The following SLC43A2 variants were observed in gnomAD, a reference collection of about 807,000 sequenced individuals.
SLC43A2 encodes the protein large neutral amino acids transporter small subunit 4.
In SLC43A2, 38 loss-of-function variants were observed where a neutral mutation model predicts 63.2. The observed-to-expected ratio is 0.60, with a 90% CI of 0.46 to 0.79. SLC43A2 has a LOEUF of 0.79. Among genes scored for constraint, SLC43A2 ranks in the 30% least tolerant of loss-of-function variants. The pLI is 0.00. For synonymous variants in SLC43A2, 322 were observed against 331.0 expected, an observed-to-expected ratio of 0.97 and a Z score of 0.30; for missense variants, 644 against 756.2, an observed-to-expected ratio of 0.85 and a Z score of 1.74.
rs1460139222 is a variant in SLC43A2 at position 1,577,727 on chromosome 17, GA to G, written c.1424+522del. Reference sequence around the variant, plus strand: ...CCTTTTATGTTTCTGGGGCTTCTTGGAAAAAGATACAGGTTTCATTTTAGCC... The same window carrying G: ...CCTTTTATGTTTCTGGGGCTTCTTGGAAAAGATACAGGTTTCATTTTAGCC... On this transcript the variant is annotated intron_variant, in intron 12 of 13. Transcript: ENST00000301335. This position sits in a 1 kb window ranked among gnomAD's most constrained non-coding sequence, Gnocchi z 4.9. 1.3e-5 allele frequency among the ~76,000 whole-genome samples: 2 copies of G among 152,170 alleles called. No homozygotes were observed. Among genetic ancestry groups the G allele is most frequent in the African/African-American group, 4.8e-5 (2 of 41,436 alleles).
At chr17:1,628,631 C>T (rs1908914296) in intron 1 of SLC43A2, among the ~76,000 whole-genome samples, 163 bp downstream of exon 1, 1 of 152,128 alleles carries the variant, frequency 6.6e-6, no homozygotes, top group Non-Finnish European at 1.5e-5. Flanking sequence ...GACCCCCGCG[C>T]CTCCATTCCC....
chr17:1,627,976 C>A, intron 1 of SLC43A2, 56 bp from the exon 2 acceptor site: 1 of 1,287,762 alleles, frequency 7.8e-7, no homozygotes, highest in Non-Finnish European at 9.8e-7. Context: ...TGCGGCCGCC[C>A]CCAGCAGCCC....
At chr17:1,585,032 A>G (rs2076080622) in intron 10 of SLC43A2, among the ~76,000 whole-genome samples, 3 of 151,946 alleles carry the variant, frequency 2.0e-5, no homozygotes, top group Non-Finnish European at 4.4e-5. Flanking sequence ...GGTGGGCTGC[A>G]TGATTGAATG....
intron 11 of SLC43A2, among the ~76,000 whole-genome samples, chr17:1,582,959 A>C (rs1027148268): frequency 6.6e-6 from 1 of 152,124 alleles, no homozygotes. Context: ...CGCACCTGTA[A>C]TCCCAGCTAC....
rs2075822610 is a variant in SLC43A2 at position 1,570,002 on chromosome 17, C to T, written c.*5602G>A. Reference sequence around the variant, plus strand: ...TCCCGGGTTCATGCCATTCTCCTGCCTCAGCCTCCCAAGTAGCTGGGACTA... The same window carrying T: ...TCCCGGGTTCATGCCATTCTCCTGCTTCAGCCTCCCAAGTAGCTGGGACTA... On this transcript the variant is annotated 3_prime_UTR_variant, in exon 14 of 14. Transcript: ENST00000301335. The T allele has an allele frequency of 6.6e-6, 1 of 150,994 alleles. No homozygotes were observed. The highest frequency in any genetic ancestry group is 1.5e-5 in the Non-Finnish European group (1 of 67,860). 9.4% of individuals were successfully genotyped at this position (150,994 alleles called of 1,614,324 possible). A position where few individuals can be genotyped will look rare whatever the true frequency, so the allele number is the denominator to read the frequency against.
Position 1,593,466 on chromosome 17 carries a change from T to A in SLC43A2, c.502-187A>T, listed in dbSNP as rs1468798435. 6.6e-6 allele frequency among the ~76,000 whole-genome samples: 1 copy of A among 152,122 alleles called. No homozygotes were observed. The highest frequency in any genetic ancestry group is 1.5e-5 in the Non-Finnish European group (1 of 68,026). ...AGGTTTCTCCTTCATGGACTGAGGC[T>A]GATGGGGCCAAGGAGGGAGGTAATG... On this transcript the variant is annotated intron_variant, in intron 5 of 13. Coordinates refer to ENST00000301335, the MANE Select transcript of SLC43A2 (RefSeq NM_152346.3). The surrounding 1 kb of genome is among the most constrained non-coding windows in gnomAD (Gnocchi z 5.3).
intron 5 of SLC43A2, among the ~76,000 whole-genome samples, chr17:1,597,498 CAA>C (rs71148498): frequency 7.6e-6 from 1 of 131,450 alleles, no homozygotes. Context: ...GAGCAAGACT[CAA>C]AAAAAAAAAA....
chr17:1,594,737 G>C (rs373996679), intron 5 of SLC43A2, among the ~76,000 whole-genome samples: 13 of 151,306 alleles, frequency 8.6e-5, no homozygotes, highest in Non-Finnish European at 1.5e-4. Context: ...ATAGGCGCCC[G>C]CCACCACACC....
At position 1,591,696 on chromosome 17, in the gene SLC43A2, T is replaced by C. The variant is rs1398439414; in HGVS notation, c.598A>G (p.Ile200Val). 7 of 1,106,962 alleles carry C rather than the reference T, an allele frequency of 6.3e-6. No individual in the cohort carries two copies. Among genetic ancestry groups the C allele is most frequent in the Non-Finnish European group, 8.5e-6 (7 of 825,328 alleles). 68.6% of individuals were successfully genotyped at this position (1,106,962 alleles called of 1,614,324 possible). A position where few individuals can be genotyped will look rare whatever the true frequency, so the allele number is the denominator to read the frequency against. Residue 200 changes from isoleucine to valine, a missense_variant, in exon 7 of 14, where the codon ATC becomes GTC. Around this residue, in one of 3 missense-constraint regions of SLC43A2, gnomAD observed 528 missense variants for 623.6 expected, o/e 0.85. Coordinates refer to ENST00000301335, the MANE Select transcript of SLC43A2 (RefSeq NM_152346.3). Reference protein sequence around the residue: ...SAVTFPGIKLIYDAGVSFIVV... With the variant: ...SAVTFPGIKLVYDAGVSFIVV... ...ATGAAGGAGACACCAGCATCATAGATGAGCTGACAGGCACCGCGGGGACGG... is the reference window on the plus strand; with the variant it reads ...ATGAAGGAGACACCAGCATCATAGACGAGCTGACAGGCACCGCGGGGACGG...
chr17:1,617,471 A>G (rs1907784676), intron 2 of SLC43A2, among the ~76,000 whole-genome samples: 1 of 151,572 alleles, frequency 6.6e-6, no homozygotes, highest in Non-Finnish European at 1.5e-5. Context: ...GCTCACTGCA[A>G]CCTCCGCCTC....
rs1292308745 is a variant in SLC43A2, at chr17:1,576,527, G to A, written c.1548+70C>T. On this transcript the variant is annotated intron_variant, in intron 13 of 13. Transcript: ENST00000301335. Reference sequence around the variant, plus strand: ...CTCGGGGCCCTGAAGCCCCCGAGGGGGACCTTGCAGCTCGCAGTTAGCAGA... The same window carrying A: ...CTCGGGGCCCTGAAGCCCCCGAGGGAGACCTTGCAGCTCGCAGTTAGCAGA... The A allele has an allele frequency of 6.6e-6, 10 of 1,526,382 alleles. No homozygotes were observed. The East Asian group carries it at 2.3e-4, about 35-fold the overall frequency. The allele number at this position is 1,526,382 out of a possible 1,614,324, so 94.6% of individuals were successfully genotyped here. A position where few individuals can be genotyped will look rare whatever the true frequency, so the allele number is the denominator to read the frequency against.
rs1051820 is a variant in SLC43A2 at position 1,574,767 on chromosome 17, A to C, written c.*837T>G. ...TAGAGCCCACCCCGACCCCACACACACCTCGGACCCACCCACGTCCCCACC... is the reference window on the plus strand; with the variant it reads ...TAGAGCCCACCCCGACCCCACACACCCCTCGGACCCACCCACGTCCCCACC... On this transcript the variant is annotated 3_prime_UTR_variant, in exon 14 of 14. Coordinates refer to ENST00000301335, the MANE Select transcript of SLC43A2 (RefSeq NM_152346.3). 0.89 allele frequency: 136,116 copies of C among 152,178 alleles called. 61,459 individuals are homozygous for C. The highest frequency in any genetic ancestry group is 0.97 in the African/African-American group (40,221 of 41,494). 9.4% of individuals were successfully genotyped at this position (152,178 alleles called of 1,614,324 possible).
At chr17:1,604,192 C>T (rs1269356276) in intron 5 of SLC43A2, among the ~76,000 whole-genome samples, 2 of 2,626 alleles carry the variant, frequency 7.6e-4, no homozygotes, top group Non-Finnish European at 0.015. Context: ...AGGCATGTGC[C>T]ACTACGCCAC....
intron 5 of SLC43A2, among the ~76,000 whole-genome samples, chr17:1,594,771 G>A (rs974379606): frequency 4.6e-5 from 7 of 151,642 alleles, no homozygotes. Context: ...TGTATTTTCA[G>A]TAGAGACGGG....
chr17:1,628,571 AC>A (rs1908908134), intron 1 of SLC43A2, among the ~76,000 whole-genome samples: 1 of 151,878 alleles, frequency 6.6e-6, no homozygotes, highest in Admixed American at 6.5e-5. Flanking sequence ...CAGCCGCGCG[AC>A]CCCCATCTCG....
At chr17:1,627,094 T>C (rs1219418105) in intron 2 of SLC43A2, among the ~76,000 whole-genome samples, 4 of 152,152 alleles carry the variant, frequency 2.6e-5, no homozygotes, top group Admixed American at 2.0e-4. Context: ...GTTCCTTTCT[T>C]CTCTTCCCCT....
chr17:1,580,587 G>A (rs985799507), intron 11 of SLC43A2, among the ~76,000 whole-genome samples: 4 of 149,196 alleles, frequency 2.7e-5, no homozygotes, highest in Admixed American at 6.7e-5. Context: ...GTTTTGGGAC[G>A]GTCTCGCTCT....
At chr17:1,612,252 C>T (rs909437116) in intron 5 of SLC43A2, among the ~76,000 whole-genome samples, 1 of 152,182 alleles carries the variant, frequency 6.6e-6, no homozygotes, top group Admixed American at 6.5e-5. Flanking sequence ...GTGTGAGCCA[C>T]CATGCCCAGC....
rs547110896 is a variant in SLC43A2, at chr17:1,607,107, G to A, written c.501+6088C>T. Among the ~76,000 whole-genome samples the A allele has an allele frequency of 5.3e-5, 7 of 132,306 alleles. No individual in the cohort carries two copies. The South Asian group carries it at 1.9e-3, about 36-fold the overall frequency. 86.8% of individuals were successfully genotyped at this position (132,306 alleles called of 152,430 possible). Reference sequence around the variant, plus strand: ...GCAGCACAAAGGCCCCGGGACCCAGGAAGTCCCCGAATTAAGGCTTCCACA... The same window carrying A: ...GCAGCACAAAGGCCCCGGGACCCAGAAAGTCCCCGAATTAAGGCTTCCACA... On this transcript the variant is annotated intron_variant, in intron 5 of 13. Coordinates refer to ENST00000301335, the MANE Select transcript of SLC43A2 (RefSeq NM_152346.3).
Sources: gnomAD v4.1 joint callset for allele counts (sites outside exome capture counted in the v4.1 genomes callset) on GRCh38, gnomAD v4.1.1 for gene constraint, gnomAD v4.1.1 regional missense constraint, Gnocchi (gnomAD v3.1) non-coding constraint, MANE v1.5 for transcripts, NCBI Gene and HGNC (gene_info 2026-07-23, HGNC 2026-07-21) for gene names.